NSD1: variants seen among roughly 807,000 people sequenced by gnomAD.
NSD1 encodes histone-lysine N-methyltransferase, H3 lysine-36 specific.
A neutral mutation model predicts 242.7 loss-of-function variants in NSD1; 26 were observed. The observed-to-expected ratio is 0.11, with a 90% CI of 0.08 to 0.15. NSD1 has a LOEUF of 0.15. Ranked by LOEUF, NSD1 falls within the 10% of genes least tolerant of loss-of-function variation. NSD1 has a pLI of 1.00. For missense variants in NSD1, 2,495 were observed against 3,272.8 expected (o/e 0.76, Z 5.80); for synonymous variants, 1,106 against 1,178.1 (o/e 0.94, Z 1.25).
intron 12 of NSD1, among the ~76,000 whole-genome samples, chr5:177,254,357 A>G (rs1756247030): frequency 1.3e-5 from 2 of 152,182 alleles, no homozygotes; most frequent in African/African-American, 4.8e-5. Flanking sequence ...TGTCATAGCT[A>G]AGAAGTTTTG....
chr5:177,261,897 A>T lies in NSD1; in HGVS notation c.5146+1729A>T, dbSNP rs771581164. ...TTCCTGAAAACCTGGCTGGCTCTGAACATTCTGAGGGACTAATTTTAAAAA... is the reference window on the plus strand; with the variant it reads ...TTCCTGAAAACCTGGCTGGCTCTGATCATTCTGAGGGACTAATTTTAAAAA... On this transcript the variant is annotated intron_variant, in intron 14 of 22. Coordinates refer to ENST00000439151, the MANE Select transcript of NSD1 (RefSeq NM_022455.5). Among the ~76,000 whole-genome samples the T allele has an allele frequency of 9.9e-5, 15 of 152,272 alleles. No individual in the cohort carries two copies. The South Asian group carries it at 1.4e-3, about 15-fold the overall frequency.
chr5:177,265,744 C>T, intron 14 of NSD1: 2 of 1,552,300 alleles, frequency 1.3e-6, no homozygotes, highest in Non-Finnish European at 1.8e-6. Context: ...ACACCGTCTG[C>T]TTCCAGTGCG....
chr5:177,257,359 T>C (rs996817508), intron 13 of NSD1, among the ~76,000 whole-genome samples: 3 of 151,492 alleles, frequency 2.0e-5, no homozygotes, highest in Admixed American at 6.6e-5. Flanking sequence ...GCCTCCTGAG[T>C]AGCTGGGACT....
chr5:177,162,810 A>G (rs999927292), intron 2 of NSD1, among the ~76,000 whole-genome samples: 6 of 151,792 alleles, frequency 4.0e-5, no homozygotes, highest in African/African-American at 1.5e-4. Context: ...TAGCTGGCAC[A>G]GGCGCTACCT....
At chr5:177,267,482 T>C (rs903591902) in intron 14 of NSD1, 80 bp from the exon 15 acceptor site, 3 of 1,152,156 alleles carry the variant, frequency 2.6e-6, no homozygotes, top group Non-Finnish European at 3.9e-6. Flanking sequence ...AAAGAAAATA[T>C]ATATATATAT....
chr5:177,158,310 CTTTT>C (rs1246912909), intron 2 of NSD1, among the ~76,000 whole-genome samples: 22 of 130,526 alleles, frequency 1.7e-4, no homozygotes, highest in African/African-American at 6.2e-4. Flanking sequence ...TCTTTTCTTT[CTTTT>C]CTTTCTTTTC....
chr5:177,265,606 G>A (rs1757366844), intron 14 of NSD1: 3 of 1,421,518 alleles, frequency 2.1e-6, no homozygotes, highest in Non-Finnish European at 3.0e-6. Flanking sequence ...AGGACAGGTC[G>A]CACAGATGGC....
At position 177,170,974 on chromosome 5, in the gene NSD1, G is replaced by A. The variant is rs568292461; in HGVS notation, c.928-20910G>A. ...GTGGAGCCAATTTTAGCACATTTTT[G>A]TCACTTCAAAATGAAACCTTCTTGC... On this transcript the variant is annotated intron_variant, in intron 2 of 22. Coordinates refer to ENST00000439151, the MANE Select transcript of NSD1 (RefSeq NM_022455.5). 4.0e-4 allele frequency among the ~76,000 whole-genome samples: 59 copies of A among 149,132 alleles called. No homozygotes were observed. The South Asian group carries it at 0.012, about 31-fold the overall frequency.
At position 177,252,536 on chromosome 5, in the gene NSD1, G is replaced by GTTTTT. The variant is rs1362275540; in HGVS notation, c.4765+685_4765+686insTTTTT. ...TCATAAAGCTGCGCTAAAGTAAAGTGTTCTTTTTTTTTTTTTTTTTTTTTT... is the reference window on the plus strand; with the variant it reads ...TCATAAAGCTGCGCTAAAGTAAAGTGTTTTTTTCTTTTTTTTTTTTTTTTTTTTTT... On this transcript the variant is annotated intron_variant, in intron 12 of 22. Coordinates refer to ENST00000439151, the MANE Select transcript of NSD1 (RefSeq NM_022455.5). 6.5e-4 allele frequency among the ~76,000 whole-genome samples: 64 copies of GTTTTT among 99,008 alleles called. 9 individuals carry two copies. The highest frequency in any genetic ancestry group is 2.7e-3 in the African/African-American group (62 of 23,002). 65.0% of individuals were successfully genotyped at this position (99,008 alleles called of 152,430 possible). A position where few individuals can be genotyped will look rare whatever the true frequency, so the allele number is the denominator to read the frequency against.
chr5:177,225,330 A>G lies in NSD1; in HGVS notation c.3797-10491A>G, dbSNP rs555504929. On this transcript the variant is annotated intron_variant, in intron 5 of 22. Coordinates refer to ENST00000439151, the MANE Select transcript of NSD1 (RefSeq NM_022455.5). ...GCTAATTTTTGTATTTTTAGTAGAG[A>G]CGGGGTTTCACCATATTGGCCAGGC... Among the ~76,000 whole-genome samples the G allele has an allele frequency of 2.2e-4, 34 of 151,960 alleles. 1 individual carries two copies. In the South Asian group the frequency reaches 6.9e-3, roughly 31 times the overall value.
chr5:177,135,411 G>A lies in NSD1; in HGVS notation c.308G>A (p.Ser103Asn). The change falls in exon 2 of 23, where the codon AGT becomes AAT. Residue 103 changes from serine (S) to asparagine (N), a missense_variant. Ser to Asn is a conservative substitution (Grantham distance 46). Transcript: ENST00000439151. ...GSESFQDPEK[S>N]DSRAQTPIVC... is the part of the protein sequence containing the mutation. ...GAATCCTTTCAAGACCCTGAAAAAA[G>A]TGATTCAAGAGCTCAGACGCCAATT... The A allele has an allele frequency of 6.2e-7, 1 of 1,613,634 alleles. No homozygotes were observed. The highest frequency in any genetic ancestry group is 8.5e-7 in the Non-Finnish European group (1 of 1,179,792).
chr5:177,146,232 G>GTCTCCAT (rs1177461916), intron 2 of NSD1, among the ~76,000 whole-genome samples: 1 of 135,338 alleles, frequency 7.4e-6, no homozygotes, highest in Non-Finnish European at 1.5e-5. Context: ...TTGAGTCGGA[G>GTCTCCAT]TCTCCATCTG....
In NSD1 at chr5:177,134,696, C is replaced by G. The variant is rs1214602457; in HGVS notation, c.-17-391C>G. 2.0e-5 allele frequency among the ~76,000 whole-genome samples: 3 copies of G among 152,202 alleles called. No individual in the cohort carries two copies. Among genetic ancestry groups the G allele is most frequent in the Non-Finnish European group, 2.9e-5 (2 of 68,022 alleles). ...CCTTTTTGTGCAGGGTCCAGGAGCC[C>G]CCCTCGGACCCCGCAGCCTTTTGCT... On this transcript the variant is annotated intron_variant, in intron 1 of 22. Transcript: ENST00000439151. This position sits in a 1 kb window ranked among gnomAD's most constrained non-coding sequence, Gnocchi z 4.2.
intron 16 of NSD1, among the ~76,000 whole-genome samples, chr5:177,273,312 TA>T (rs11452158): frequency 1.4e-4 from 13 of 90,890 alleles, no homozygotes; most frequent in Non-Finnish European, 2.1e-4. Flanking sequence ...ACTGATGAGC[TA>T]AAAAAAAAAA....
rs760716055 is a variant in NSD1, at chr5:177,294,200, C to T, written c.6832C>T (p.Leu2278=). The T allele has an allele frequency of 3.7e-6, 6 of 1,613,424 alleles. No homozygotes were observed. The East Asian group carries it at 8.9e-5, about 24-fold the overall frequency. ...ALAGTCQRPL[L]PERPLERTDS... ...GGCAGGGACTTGTCAGAGGCCATTG[C>T]TACCTGAAAGACCTCTTGAGAGAAC... Residue 2278 remains leucine (L), a synonymous_variant, in exon 23 of 23, where the codon CTA becomes TTA. Transcript: ENST00000439151.
chr5:177,212,029 A>C lies in NSD1; in HGVS notation c.3630A>C (p.Ser1210=). ...RDEFPEHRTP[S]ASILEEPLTE... ...AGTTTCCAGAGCATAGAACTCCTTC[A>C]GCAAGCATACTTGAGGAACCACTGA... Residue 1210 remains serine (S), a synonymous_variant, in exon 5 of 23, where the codon TCA becomes TCC. Transcript: ENST00000439151. 1 of 1,614,182 alleles carries C rather than the reference A, an allele frequency of 6.2e-7. No individual in the cohort carries two copies. The highest frequency in any genetic ancestry group is 8.5e-7 in the Non-Finnish European group (1 of 1,180,032).
intron 12 of NSD1, among the ~76,000 whole-genome samples, chr5:177,252,957 T>A (rs1217246696): frequency 6.6e-6 from 1 of 152,086 alleles, no homozygotes; most frequent in East Asian, 1.9e-4. Flanking sequence ...AGGATAATGG[T>A]CAGTGACACT....
At chr5:177,218,030 G>A (rs1562221842) in intron 5 of NSD1, among the ~76,000 whole-genome samples, 3 of 151,968 alleles carry the variant, frequency 2.0e-5, no homozygotes, top group Non-Finnish European at 4.4e-5. Context: ...CTCCCACCTT[G>A]ACCTCCCAAG....
intron 2 of NSD1, among the ~76,000 whole-genome samples, chr5:177,170,666 AT>A (rs1455262311): frequency 6.6e-6 from 1 of 151,974 alleles, no homozygotes; most frequent in Non-Finnish European, 1.5e-5. Context: ...TTCATTTTTT[AT>A]TTTTTTGGAA....
Sources: allele counts gnomAD v4.1 joint callset (sites outside exome capture counted in the v4.1 genomes callset), GRCh38; gene constraint gnomAD v4.1.1; non-coding constraint Gnocchi (gnomAD v3.1); transcripts MANE v1.5; gene names NCBI Gene and HGNC (gene_info 2026-07-23, HGNC 2026-07-21).